Variants in PHF2 observed in about 807,000 individuals in gnomAD.
The protein encoded by PHF2 is lysine-specific demethylase PHF2.
A neutral mutation model predicts 120.5 loss-of-function variants in PHF2; 27 were observed. The observed-to-expected ratio is 0.22, with a 90% CI of 0.17 to 0.31. The LOEUF (loss-of-function observed/expected upper bound fraction) is 0.31, where lower values mean the gene tolerates loss of function less well. Among genes scored for constraint, PHF2 ranks in the 10% least tolerant of loss-of-function variants. The pLI is 1.00. For synonymous variants in PHF2, 568 were observed against 592.5 expected, an observed-to-expected ratio of 0.96 and a Z score of 0.60; for missense variants, 1,024 against 1,434.8, an observed-to-expected ratio of 0.71 and a Z score of 4.63.
chr9:93,598,874 C>G (rs998017613), intron 1 of PHF2, among the ~76,000 whole-genome samples: 3 of 152,194 alleles, frequency 2.0e-5, no homozygotes, highest in African/African-American at 7.2e-5. Flanking sequence ...GTAAGCCCCT[C>G]CCCGTAAGCC....
In PHF2 at chr9:93,677,743, C is replaced by A; in HGVS notation, c.*67C>A. 2 of 1,242,076 alleles carry A rather than the reference C, an allele frequency of 1.6e-6. No individual in the cohort carries two copies. Among genetic ancestry groups the A allele is most frequent in the Non-Finnish European group, 2.3e-6 (2 of 855,032 alleles). The allele number at this position is 1,242,076 out of a possible 1,614,324, so 76.9% of individuals were successfully genotyped here. A position where few individuals can be genotyped will look rare whatever the true frequency, so the allele number is the denominator to read the frequency against. The stretch of plus-strand genomic sequence containing the variant: ...CGGAGCCCCGCGAAAACATCTGCCT[C>A]CCAGGAGGGTGCCGAGCTGCCTCAC... On this transcript the variant is annotated 3_prime_UTR_variant, in exon 22 of 22. Coordinates refer to ENST00000359246, the MANE Select transcript of PHF2 (RefSeq NM_005392.4). The surrounding 1 kb of genome is among the most constrained non-coding windows in gnomAD (Gnocchi z 4.4).
chr9:93,585,262 G>A (rs114226655), intron 1 of PHF2, among the ~76,000 whole-genome samples: 1,561 of 152,322 alleles, frequency 0.01, 34 homozygotes, highest in African/African-American at 0.035. Flanking sequence ...TTCCATACAT[G>A]TGTAAGACCT....
chr9:93,664,702 C>T (rs1452975764), intron 14 of PHF2, among the ~76,000 whole-genome samples: 6 of 152,196 alleles, frequency 3.9e-5, no homozygotes, highest in African/African-American at 7.2e-5. Flanking sequence ...TGGCCCTGGG[C>T]GTGTCACTTG....
At position 93,673,838 on chromosome 9, in the gene PHF2, G is replaced by A; in HGVS notation, c.2602G>A (p.Ala868Thr). Residue 868 changes from alanine (A) to threonine (T), a missense_variant, in exon 18 of 22, where the codon GCC (alanine) becomes ACC (threonine). Ala to Thr is a moderately conservative substitution (Grantham distance 58, BLOSUM62 0). Around this residue, in one of 2 missense-constraint regions of PHF2, gnomAD observed 677 missense variants for 857.4 expected, o/e 0.79. Transcript: ENST00000359246. ...DYEEEQDHLD[A>T]CFKDSDYVYP... ...CGAGGAAGAGCAGGACCACCTGGATGCCTGCTTCAAGGACTCAGACTACGG... is the reference window on the plus strand; with the variant it reads ...CGAGGAAGAGCAGGACCACCTGGATACCTGCTTCAAGGACTCAGACTACGG... The A allele has an allele frequency of 6.2e-7, 1 of 1,601,462 alleles. No individual in the cohort carries two copies. The highest frequency in any genetic ancestry group is 8.5e-7 in the Non-Finnish European group (1 of 1,170,828).
chr9:93,648,270 C>G (rs1204893265), intron 4 of PHF2, among the ~76,000 whole-genome samples: 1 of 152,228 alleles, frequency 6.6e-6, no homozygotes, highest in East Asian at 1.9e-4. Flanking sequence ...GCAGGTCTCT[C>G]TGTCCCGGGT....
intron 18 of PHF2, among the ~76,000 whole-genome samples, chr9:93,674,596 A>G (rs75221812): frequency 0.015 from 2,318 of 152,226 alleles, 33 homozygotes; most frequent in East Asian, 0.044. Context: ...AGCTCCATGA[A>G]CAGATGTACG....
At chr9:93,640,117 G>A (rs1486013272) in intron 3 of PHF2, among the ~76,000 whole-genome samples, 8 of 87,628 alleles carry the variant, frequency 9.1e-5, no homozygotes, top group African/African-American at 4.6e-4. Context: ...ATAGTTGCTT[G>A]GTCTTTGGTT....
intron 3 of PHF2, among the ~76,000 whole-genome samples, 153 bp downstream of exon 3, chr9:93,636,678 C>T (rs1401768507): frequency 1.3e-5 from 2 of 152,234 alleles, no homozygotes; most frequent in Admixed American, 6.5e-5. Flanking sequence ...GCAGCATAGC[C>T]TGCACCAGCA....
At position 93,677,507 on chromosome 9, in the gene PHF2, ACCCTCC is replaced by A; in HGVS notation, c.3203-77_3203-72del. 6 of 1,001,846 alleles carry A rather than the reference ACCCTCC, an allele frequency of 6.0e-6. No homozygotes were observed. Among genetic ancestry groups the A allele is most frequent in the Non-Finnish European group, 9.4e-6 (6 of 641,388 alleles). The allele number at this position is 1,001,846 out of a possible 1,614,324, so 62.1% of individuals were successfully genotyped here. On this transcript the variant is annotated intron_variant, in intron 21 of 21. Transcript: ENST00000359246. This position sits in a 1 kb window ranked among gnomAD's most constrained non-coding sequence, Gnocchi z 4.4. Reference sequence around the variant, plus strand: ...CAGGCTGCCCCTTAGTGTCAGCGGGACCCTCCCCCCCACCGGCATGCCACGCCCCTT... The same window carrying A: ...CAGGCTGCCCCTTAGTGTCAGCGGGACCCCCACCGGCATGCCACGCCCCTT...
chr9:93,627,636 G>T (rs1825936655), intron 1 of PHF2, among the ~76,000 whole-genome samples: 2 of 152,058 alleles, frequency 1.3e-5, no homozygotes, highest in Non-Finnish European at 2.9e-5. Context: ...AATGTTTGCT[G>T]TGGATTTTTC....
chr9:93,618,130 T>C (rs1042374999), intron 1 of PHF2, among the ~76,000 whole-genome samples: 3 of 152,272 alleles, frequency 2.0e-5, no homozygotes, highest in Non-Finnish European at 4.4e-5. Flanking sequence ...AGCTTTAAAC[T>C]TCTTTGGAGT....
At chr9:93,587,890 C>T (rs552907962) in intron 1 of PHF2, among the ~76,000 whole-genome samples, 10 of 152,286 alleles carry the variant, frequency 6.6e-5, no homozygotes, top group Admixed American at 2.0e-4. Flanking sequence ...CAGCATGGGC[C>T]CCCTGTCTGC....
intron 1 of PHF2, among the ~76,000 whole-genome samples, chr9:93,577,301 G>A (rs1453006012): frequency 2.0e-5 from 3 of 151,754 alleles, no homozygotes; most frequent in Non-Finnish European, 4.4e-5. Flanking sequence ...CCCCGCGCGG[G>A]CTCGGGGTTG....
intron 1 of PHF2, among the ~76,000 whole-genome samples, chr9:93,588,322 G>C (rs1863099968): frequency 6.6e-6 from 1 of 152,204 alleles, no homozygotes; most frequent in African/African-American, 2.4e-5. Context: ...TGGGACTGCG[G>C]GATAGAGGGG....
At chr9:93,592,471 G>T (rs145026751) in intron 1 of PHF2, among the ~76,000 whole-genome samples, 1 of 152,296 alleles carries the variant, frequency 6.6e-6, no homozygotes, top group African/African-American at 2.4e-5. Context: ...TTGGCAACCT[G>T]TAAGTTTTAC....
intron 3 of PHF2, among the ~76,000 whole-genome samples, chr9:93,639,442 T>A (rs918598532): frequency 7.9e-5 from 12 of 152,354 alleles, no homozygotes; most frequent in African/African-American, 2.6e-4. Context: ...GCTGAACTAG[T>A]TTATTAGTTC....
intron 5 of PHF2, 127 bp downstream of exon 5, chr9:93,649,339 C>A: frequency 2.2e-6 from 1 of 458,276 alleles, no homozygotes; most frequent in Non-Finnish European, 3.8e-6. Context: ...ATGGCACACA[C>A]TGATTTTTAC....
chr9:93,583,478 T>TAAC (rs950959009), intron 1 of PHF2, among the ~76,000 whole-genome samples: 25 of 152,340 alleles, frequency 1.6e-4, no homozygotes, highest in African/African-American at 5.8e-4. Context: ...ACTTTTTGAG[T>TAAC]AACTGGCAAA....
chr9:93,636,672 C>T, intron 3 of PHF2, 147 bp downstream of exon 3: 1 of 662,938 alleles, frequency 1.5e-6, no homozygotes, highest in South Asian at 1.9e-5. Context: ...CTGGAGGCAG[C>T]ATAGCCTGCA....
Sources: gnomAD v4.1 joint callset for allele counts (sites outside exome capture counted in the v4.1 genomes callset) on GRCh38, gnomAD v4.1.1 for gene constraint, gnomAD v4.1.1 regional missense constraint, Gnocchi (gnomAD v3.1) non-coding constraint, MANE v1.5 for transcripts, NCBI Gene and HGNC (gene_info 2026-07-23, HGNC 2026-07-21) for gene names.